The following EFNA5 variants were observed in gnomAD, a reference collection of about 807,000 sequenced individuals.
The protein encoded by EFNA5 is ephrin A5.
In EFNA5, 5 loss-of-function variants were observed where a neutral mutation model predicts 22.9. The observed-to-expected ratio is 0.22, with a 90% CI of 0.11 to 0.46. The LOEUF (loss-of-function observed/expected upper bound fraction) is 0.46, where lower values mean the gene tolerates loss of function less well. Ranked by LOEUF, EFNA5 falls within the 20% of genes least tolerant of loss-of-function variation. The pLI is 0.99. For synonymous variants in EFNA5, 113 were observed against 112.2 expected (o/e 1.01, Z -0.04); for missense variants, 237 against 293.3 (o/e 0.81, Z 1.40).
At chr5:107,587,550 G>C (rs164974) in intron 1 of EFNA5, among the ~76,000 whole-genome samples, 20,036 of 152,020 alleles carry the variant, frequency 0.13, 1,607 homozygotes, top group Admixed American at 0.19. Flanking sequence ...GGAGTCTTGC[G>C]CTGTTGCCCA....
intron 1 of EFNA5, among the ~76,000 whole-genome samples, chr5:107,522,657 T>C (rs1358538717): frequency 6.6e-6 from 1 of 152,034 alleles, no homozygotes; most frequent in East Asian, 1.9e-4. Flanking sequence ...TCCCAAAGGG[T>C]TGGGATTATA....
chr5:107,606,502 A>G (rs751129127), intron 1 of EFNA5, among the ~76,000 whole-genome samples: 24 of 149,058 alleles, frequency 1.6e-4, no homozygotes, highest in African/African-American at 2.2e-4. Flanking sequence ...CACTCCTGCT[A>G]CTCTACCCAA....
chr5:107,544,066 G>A (rs114100481), intron 1 of EFNA5, among the ~76,000 whole-genome samples: 23 of 152,266 alleles, frequency 1.5e-4, no homozygotes, highest in Admixed American at 3.3e-4. Flanking sequence ...TATATCTGTG[G>A]GGGTCCTGAC....
In EFNA5 at chr5:107,485,079, A is replaced by T. The variant is rs192375323; in HGVS notation, c.126-57570T>A. 4.1e-3 allele frequency among the ~76,000 whole-genome samples: 621 copies of T among 152,002 alleles called. 4 individuals are homozygous for T. The highest frequency in any genetic ancestry group is 0.012 in the African/African-American group (514 of 41,436). Reference sequence around the variant, plus strand: ...ATGAAAAAACAAAGCAGATTTTTTTAAAAAAAGAAAAAAGGTAGGAAATAC... The same window carrying T: ...ATGAAAAAACAAAGCAGATTTTTTTTAAAAAAGAAAAAAGGTAGGAAATAC... On this transcript the variant is annotated intron_variant, in intron 1 of 4. Coordinates refer to ENST00000333274, the MANE Select transcript of EFNA5 (RefSeq NM_001962.3).
In EFNA5 at chr5:107,490,327, C is replaced by A. The variant is rs575888251; in HGVS notation, c.126-62818G>T. Among the ~76,000 whole-genome samples, 270 of 152,208 alleles carry A rather than the reference C, an allele frequency of 1.8e-3. 1 individual carries two copies. The highest frequency in any genetic ancestry group is 6.2e-3 in the African/African-American group (259 of 41,522). The stretch of plus-strand genomic sequence containing the variant: ...CCCAGGTTAGACTCCAACTCCCTAG[C>A]TCATGGGATCCTCCTGCCTCCACCT... On this transcript the variant is annotated intron_variant, in intron 1 of 4. Transcript: ENST00000333274.
chr5:107,452,489 T>C (rs1225864894), intron 1 of EFNA5, among the ~76,000 whole-genome samples: 1 of 152,066 alleles, frequency 6.6e-6, no homozygotes, highest in Non-Finnish European at 1.5e-5. Flanking sequence ...TTCGGGAGGC[T>C]GAGACTAGAG....
rs146176985 is a variant in EFNA5, at chr5:107,633,518, C to T, written c.125+36971G>A. On this transcript the variant is annotated intron_variant, in intron 1 of 4. Coordinates refer to ENST00000333274, the MANE Select transcript of EFNA5 (RefSeq NM_001962.3). ...TGGCACTGCTGCGTCACATTACTTC[C>T]GCTTTTCTAACTTTTCCACTTGTGA... 2.8e-3 allele frequency among the ~76,000 whole-genome samples: 433 copies of T among 152,302 alleles called. 3 individuals are homozygous for T. The highest frequency in any genetic ancestry group is 9.7e-3 in the African/African-American group (402 of 41,584).
At chr5:107,459,816 A>G (rs1200726832) in intron 1 of EFNA5, among the ~76,000 whole-genome samples, 1 of 152,162 alleles carries the variant, frequency 6.6e-6, no homozygotes, top group Non-Finnish European at 1.5e-5. Context: ...ATCTCATATG[A>G]GGAAACATCA....
chr5:107,449,041 T>A (rs1580458444), intron 1 of EFNA5, among the ~76,000 whole-genome samples: 1 of 152,142 alleles, frequency 6.6e-6, no homozygotes, highest in African/African-American at 2.4e-5. Context: ...ATACCTCAGT[T>A]TTTAAATAAA....
At chr5:107,579,780 A>G (rs1002069777) in intron 1 of EFNA5, among the ~76,000 whole-genome samples, 2 of 152,206 alleles carry the variant, frequency 1.3e-5, no homozygotes, top group Non-Finnish European at 2.9e-5. Flanking sequence ...CAGAACTTCA[A>G]TATGCCCCAC....
intron 1 of EFNA5, among the ~76,000 whole-genome samples, chr5:107,431,150 T>C (rs1174862708): frequency 6.6e-6 from 1 of 152,210 alleles, no homozygotes; most frequent in Non-Finnish European, 1.5e-5. Flanking sequence ...CAATTTACAC[T>C]TTTGTTTCAG....
intron 1 of EFNA5, among the ~76,000 whole-genome samples, chr5:107,666,783 C>G (rs541519472): frequency 6.6e-6 from 1 of 151,926 alleles, no homozygotes; most frequent in African/African-American, 2.4e-5. Flanking sequence ...TCAAAATAAT[C>G]CAAGAAGAAC....
At chr5:107,540,913 C>T (rs560628457) in intron 1 of EFNA5, among the ~76,000 whole-genome samples, 1 of 152,242 alleles carries the variant, frequency 6.6e-6, no homozygotes, top group Admixed American at 6.5e-5. Flanking sequence ...TCGAGACCAG[C>T]CTGGCCAACA....
At chr5:107,457,950 T>A (rs1749737275) in intron 1 of EFNA5, among the ~76,000 whole-genome samples, 2 of 152,188 alleles carry the variant, frequency 1.3e-5, no homozygotes, top group African/African-American at 4.8e-5. Context: ...GCAGATGTAG[T>A]AACAGACAAA....
intron 1 of EFNA5, among the ~76,000 whole-genome samples, chr5:107,663,332 T>C (rs1258143736): frequency 6.6e-6 from 1 of 152,152 alleles, no homozygotes; most frequent in Admixed American, 6.5e-5. Context: ...ATTCATGTGT[T>C]TCCAACATGG....
intron 1 of EFNA5, among the ~76,000 whole-genome samples, chr5:107,468,646 C>T (rs1750057837): frequency 6.6e-6 from 1 of 152,180 alleles, no homozygotes; most frequent in African/African-American, 2.4e-5. Flanking sequence ...TAAAACCTCA[C>T]CAATGTTGGC....
chr5:107,653,903 A>G (rs778108957), intron 1 of EFNA5, among the ~76,000 whole-genome samples: 15 of 152,154 alleles, frequency 9.9e-5, no homozygotes, highest in Non-Finnish European at 1.6e-4. Context: ...TACTCTGCCC[A>G]GAATGGTAAT....
At chr5:107,622,111 G>C (rs1750049702) in intron 1 of EFNA5, among the ~76,000 whole-genome samples, 1 of 151,798 alleles carries the variant, frequency 6.6e-6, no homozygotes, top group African/African-American at 2.4e-5. Context: ...ATTTACCAAT[G>C]TGACAAGTCT....
chr5:107,544,436 G>C (rs1342687648), intron 1 of EFNA5, among the ~76,000 whole-genome samples: 1 of 152,078 alleles, frequency 6.6e-6, no homozygotes, highest in Non-Finnish European at 1.5e-5. Flanking sequence ...GTAACCTCTG[G>C]GAGTACCAAA....
Sources: allele counts gnomAD v4.1 joint callset (sites outside exome capture counted in the v4.1 genomes callset), GRCh38; gene constraint gnomAD v4.1.1; transcripts MANE v1.5; gene names NCBI Gene and HGNC (gene_info 2026-07-23, HGNC 2026-07-21).